The following PTPRN2 variants were observed in gnomAD, a reference collection of about 807,000 sequenced individuals.
PTPRN2 encodes the protein receptor-type tyrosine-protein phosphatase N2.
A neutral mutation model predicts 118.8 loss-of-function variants in PTPRN2; 74 were observed. That is an observed-to-expected ratio of 0.62 (90% confidence interval 0.52 to 0.76). The LOEUF (loss-of-function observed/expected upper bound fraction) is 0.76, where lower values mean the gene tolerates loss of function less well. Among genes scored for constraint, PTPRN2 ranks in the 30% least tolerant of loss-of-function variants. PTPRN2 has a pLI of 0.00. For missense variants in PTPRN2, 1,481 were observed against 1,394.4 expected, an observed-to-expected ratio of 1.06 and a Z score of -0.99; for synonymous variants, 641 against 608.0, an observed-to-expected ratio of 1.05 and a Z score of -0.80.
intron 2 of PTPRN2, among the ~76,000 whole-genome samples, chr7:158,458,791 C>T (rs1437827060): frequency 6.6e-6 from 1 of 152,186 alleles, no homozygotes; most frequent in Non-Finnish European, 1.5e-5. Flanking sequence ...GAGACTCTGC[C>T]TCATTTCCCC....
intron 12 of PTPRN2, among the ~76,000 whole-genome samples, chr7:157,773,543 G>GCCCCTA (rs1803013395): frequency 6.6e-6 from 1 of 152,302 alleles, no homozygotes; most frequent in Non-Finnish European, 1.5e-5. Flanking sequence ...GAGGGCCAGG[G>GCCCCTA]GCCCCTATGC....
chr7:157,705,795 C>A (rs1044966279), intron 12 of PTPRN2, among the ~76,000 whole-genome samples: 20 of 150,354 alleles, frequency 1.3e-4, no homozygotes, highest in African/African-American at 4.7e-4. Flanking sequence ...ACCATATCCC[C>A]CAGAATGCTG....
At chr7:157,639,291 C>T (rs547326741) in intron 14 of PTPRN2, among the ~76,000 whole-genome samples, 4 of 152,322 alleles carry the variant, frequency 2.6e-5, no homozygotes, top group African/African-American at 7.2e-5. Context: ...CCGCCTTGGC[C>T]TCCCAAAGTG....
At chr7:157,633,149 T>C (rs553837435) in intron 14 of PTPRN2, among the ~76,000 whole-genome samples, 7 of 151,766 alleles carry the variant, frequency 4.6e-5, no homozygotes, top group East Asian at 3.9e-4. Context: ...CTTTTCTTTT[T>C]TTTTTTTTTG....
At chr7:158,295,679 C>T (rs1800446130) in intron 3 of PTPRN2, among the ~76,000 whole-genome samples, 4 of 150,900 alleles carry the variant, frequency 2.7e-5, no homozygotes, top group African/African-American at 4.9e-5. Context: ...TGCCCAGACA[C>T]TGCACCACAT....
chr7:158,249,761 C>T (rs1325207420), intron 3 of PTPRN2, among the ~76,000 whole-genome samples: 2 of 152,204 alleles, frequency 1.3e-5, no homozygotes, highest in Non-Finnish European at 2.9e-5. Flanking sequence ...CGGTCAGATG[C>T]CCTCTGTGAC....
intron 2 of PTPRN2, among the ~76,000 whole-genome samples, chr7:158,343,483 G>A (rs980108682): frequency 2.0e-5 from 3 of 152,312 alleles, no homozygotes; most frequent in East Asian, 3.9e-4. Context: ...TGATGCAGTC[G>A]CCGTGGAAAG....
At chr7:157,829,182 A>G (rs1807385203) in intron 12 of PTPRN2, among the ~76,000 whole-genome samples, 1 of 152,272 alleles carries the variant, frequency 6.6e-6, no homozygotes, top group African/African-American at 2.4e-5. Context: ...CTAGAAATGT[A>G]TTTTGAAGAG....
chr7:157,992,495 C>T (rs111311316), intron 11 of PTPRN2, among the ~76,000 whole-genome samples: 7,329 of 152,136 alleles, frequency 0.048, 242 homozygotes, highest in Middle Eastern at 0.095. Flanking sequence ...CAGGAGGGCT[C>T]CTGAAATCAG....
In PTPRN2 at chr7:157,787,419, G is replaced by C. The variant is rs1007223651; in HGVS notation, c.1789-104482C>G. Among the ~76,000 whole-genome samples, 2 of 152,140 alleles carry C rather than the reference G, an allele frequency of 1.3e-5. No homozygotes were observed. The highest frequency in any genetic ancestry group is 2.9e-5 in the Non-Finnish European group (2 of 68,016). On this transcript the variant is annotated intron_variant, in intron 12 of 22. Coordinates refer to ENST00000389418, the MANE Select transcript of PTPRN2 (RefSeq NM_002847.5). The surrounding 1 kb of genome is among the most constrained non-coding windows in gnomAD (Gnocchi z 5.3). The stretch of plus-strand genomic sequence containing the variant: ...CCATAGAAAGTCTGGCGCAGCAGCC[G>C]GTGGGCCTGGGGGGCGCGTGGACTC...
At chr7:157,608,206 T>C (rs1424247437) in intron 15 of PTPRN2, among the ~76,000 whole-genome samples, 1 of 152,212 alleles carries the variant, frequency 6.6e-6, no homozygotes, top group Admixed American at 6.5e-5. Flanking sequence ...TAGCTGGGAC[T>C]ACAGGCACGC....
chr7:157,743,776 G>A (rs1351097710), intron 12 of PTPRN2, among the ~76,000 whole-genome samples: 1 of 151,726 alleles, frequency 6.6e-6, no homozygotes, highest in East Asian at 1.9e-4. Context: ...CGGCAAGGCT[G>A]TGGCTGGGAT....
rs190005732 is a variant in PTPRN2 at position 157,734,961 on chromosome 7, C to G, written c.1789-52024G>C. Among the ~76,000 whole-genome samples, 87 of 152,378 alleles carry G rather than the reference C, an allele frequency of 5.7e-4. No homozygotes were observed. The East Asian group carries it at 0.015, about 26-fold the overall frequency. ...ACACACATCTGAGATTATTAAATAG[C>G]AGCCGCTAACTGCCTCGATGCAGGA... On this transcript the variant is annotated intron_variant, in intron 12 of 22. Coordinates refer to ENST00000389418, the MANE Select transcript of PTPRN2 (RefSeq NM_002847.5).
In PTPRN2 at chr7:158,093,021, T is replaced by C. The variant is rs1814321394; in HGVS notation, c.1644-11644A>G. Among the ~76,000 whole-genome samples the C allele has an allele frequency of 6.6e-6, 1 of 152,228 alleles. No homozygotes were observed. Among genetic ancestry groups the C allele is most frequent in the Non-Finnish European group, 1.5e-5 (1 of 68,040 alleles). ...AGGTGCTAGCTCCAAATAGTCCAAT[T>C]CTAATATCAATGCCACCACTAGAAT... On this transcript the variant is annotated intron_variant, in intron 10 of 22. Transcript: ENST00000389418. The surrounding 1 kb of genome is among the most constrained non-coding windows in gnomAD (Gnocchi z 4.4).
chr7:158,333,645 C>A (rs1376350293), intron 2 of PTPRN2, among the ~76,000 whole-genome samples: 3 of 151,590 alleles, frequency 2.0e-5, no homozygotes, highest in Admixed American at 1.3e-4. Flanking sequence ...CACTCACACC[C>A]ACATTCTCAC....
intron 14 of PTPRN2, among the ~76,000 whole-genome samples, chr7:157,640,388 T>C (rs376671762): frequency 1.3e-5 from 2 of 151,992 alleles, no homozygotes; most frequent in African/African-American, 4.8e-5. Flanking sequence ...GACAGAAAGA[T>C]AGAGAAAATA....
intron 2 of PTPRN2, among the ~76,000 whole-genome samples, chr7:158,394,364 G>A (rs961512685): frequency 2.6e-5 from 4 of 152,298 alleles, no homozygotes; most frequent in Admixed American, 2.0e-4. Context: ...GCCACAGGGA[G>A]GGCATTGGAG....
At position 157,898,717 on chromosome 7, in the gene PTPRN2, C is replaced by G. The variant is rs770266164; in HGVS notation, c.1744G>C (p.Glu582Gln). The change falls in exon 12 of 23, where the codon GAG (glutamate) becomes CAG (glutamine). Residue 582 changes from glutamate (E) to glutamine (Q), a missense_variant. Glu to Gln is a conservative substitution (Grantham distance 29, BLOSUM62 2). Transcript: ENST00000389418. ...AGAATTTTCAGTCCAGAGGTTTCCT[C>G]CAGTTTGTCTTTGTTGTCAACTGTT... Reference protein sequence around the residue: ...KATVDNKDKLEETSGLKILQT... With the variant: ...KATVDNKDKLQETSGLKILQT... The G allele has an allele frequency of 3.0e-5, 48 of 1,607,990 alleles. No individual in the cohort carries two copies. The highest frequency in any genetic ancestry group is 4.0e-5 in the African/African-American group (3 of 74,788).
At chr7:158,092,129 T>C (rs1452305171) in intron 10 of PTPRN2, among the ~76,000 whole-genome samples, 1 of 150,158 alleles carries the variant, frequency 6.7e-6, no homozygotes, top group East Asian at 2.0e-4. Flanking sequence ...GATGGTTGGG[T>C]GAGTGGGTAC....
Sources: gnomAD v4.1 joint callset for allele counts (sites outside exome capture counted in the v4.1 genomes callset) on GRCh38, gnomAD v4.1.1 for gene constraint, Gnocchi (gnomAD v3.1) non-coding constraint, MANE v1.5 for transcripts, NCBI Gene and HGNC (gene_info 2026-07-23, HGNC 2026-07-21) for gene names.